Variants in IL1RAPL2 observed in about 807,000 individuals in gnomAD.
IL1RAPL2 encodes the protein X-linked interleukin-1 receptor accessory protein-like 2.
In IL1RAPL2, 3 loss-of-function variants were observed where a neutral mutation model predicts 44.1. The observed-to-expected ratio is 0.07, with a 90% CI of 0.03 to 0.18. IL1RAPL2 has a LOEUF of 0.18. Among genes scored for constraint, IL1RAPL2 ranks in the 10% least tolerant of loss-of-function variants. The probability of loss-of-function intolerance (pLI) is 1.00; values close to 1 mark genes in which losing one functional copy is unlikely to be tolerated. For missense variants in IL1RAPL2, 391 were observed against 496.4 expected (o/e 0.79, Z 2.02); for synonymous variants, 181 against 178.8 (o/e 1.01, Z -0.10).
chrX:105,430,368 A>C (rs1380003334), intron 5 of IL1RAPL2, among the ~76,000 whole-genome samples: 1 of 111,480 alleles, frequency 9.0e-6, no homozygotes, highest in Non-Finnish European at 1.9e-5. Context: ...TTACCATCAG[A>C]CTAGAGTTGT....
chrX:105,552,329 G>T (rs1388786830), intron 6 of IL1RAPL2, among the ~76,000 whole-genome samples: 1 of 111,708 alleles, frequency 9.0e-6, no homozygotes, highest in South Asian at 3.7e-4. Flanking sequence ...ATGTTAAGTC[G>T]TATTCTTAAA....
At chrX:105,001,796 A>G (rs1166258962) in intron 2 of IL1RAPL2, among the ~76,000 whole-genome samples, 3 of 111,325 alleles carry the variant, frequency 2.7e-5, no homozygotes, top group Admixed American at 9.6e-5. Context: ...TACACCAAGC[A>G]ATGTGACAAG....
intron 5 of IL1RAPL2, among the ~76,000 whole-genome samples, chrX:105,453,160 A>G (rs1417006565): frequency 8.9e-6 from 1 of 111,904 alleles, no homozygotes; most frequent in African/African-American, 3.3e-5. Flanking sequence ...CACTCCCCGT[A>G]TCTATTTTTG....
chrX:105,392,710 A>G (rs2035535359), intron 5 of IL1RAPL2, among the ~76,000 whole-genome samples: 1 of 111,808 alleles, frequency 8.9e-6, no homozygotes, highest in Non-Finnish European at 1.9e-5. Flanking sequence ...AGCCATGGCA[A>G]TGTGCAATAT....
chrX:105,595,557 G>A lies in IL1RAPL2; in HGVS notation c.772+111170G>A, dbSNP rs189930048. On this transcript the variant is annotated intron_variant, in intron 6 of 10. Coordinates refer to ENST00000372582, the MANE Select transcript of IL1RAPL2 (RefSeq NM_017416.2). Reference sequence around the variant, plus strand: ...AAAATATTTTATTGAGGATTTTTACGTCTATTTTCATCGGAGGTATTGGCC... The same window carrying A: ...AAAATATTTTATTGAGGATTTTTACATCTATTTTCATCGGAGGTATTGGCC... 3.1e-3 allele frequency among the ~76,000 whole-genome samples: 348 copies of A among 111,115 alleles called. 3 individuals carry two copies. The highest frequency in any genetic ancestry group is 5.3e-3 in the African/African-American group (162 of 30,527).
At chrX:104,680,984 G>C (rs1488553880) in intron 2 of IL1RAPL2, among the ~76,000 whole-genome samples, 1 of 111,983 alleles carries the variant, frequency 8.9e-6, no homozygotes, top group African/African-American at 3.2e-5. Context: ...TTAACACTGG[G>C]ACAGTTCTTA....
intron 2 of IL1RAPL2, among the ~76,000 whole-genome samples, chrX:105,174,844 C>T (rs984097742): frequency 9.0e-6 from 1 of 111,531 alleles, no homozygotes; most frequent in African/African-American, 3.3e-5. Context: ...AAGTGGGGAA[C>T]TCTTCTTCTT....
chrX:105,072,202 C>T (rs927616874), intron 2 of IL1RAPL2, among the ~76,000 whole-genome samples: 3 of 111,542 alleles, frequency 2.7e-5, no homozygotes, highest in African/African-American at 9.8e-5. Context: ...CTCTTTTCGC[C>T]TGCTGCCATG....
intron 1 of IL1RAPL2, among the ~76,000 whole-genome samples, chrX:104,604,935 C>A (rs1210999408): frequency 9.0e-6 from 1 of 111,190 alleles, no homozygotes; most frequent in East Asian, 2.8e-4. Context: ...CAAGGATATA[C>A]AGGACTTGAA....
At chrX:105,422,936 A>G (rs1018082562) in intron 5 of IL1RAPL2, among the ~76,000 whole-genome samples, 1 of 111,196 alleles carries the variant, frequency 9.0e-6, no homozygotes, top group African/African-American at 3.3e-5. Flanking sequence ...CAAGACAACA[A>G]TTGTCTGCAG....
At chrX:105,161,296 A>G (rs1428218880) in intron 2 of IL1RAPL2, among the ~76,000 whole-genome samples, 2 of 110,018 alleles carry the variant, frequency 1.8e-5, no homozygotes, top group African/African-American at 6.6e-5. Flanking sequence ...TGTTTTAGAA[A>G]GTACATCAAC....
At chrX:104,620,832 C>A (rs1046862719) in intron 1 of IL1RAPL2, among the ~76,000 whole-genome samples, 33 of 104,730 alleles carry the variant, frequency 3.2e-4, no homozygotes, top group African/African-American at 1.1e-3. Flanking sequence ...TTGAAACCAG[C>A]TGATTGTCAA....
chrX:105,012,596 C>G (rs2031069704), intron 2 of IL1RAPL2, among the ~76,000 whole-genome samples: 1 of 55,749 alleles, frequency 1.8e-5, no homozygotes, highest in Non-Finnish European at 3.5e-5. Flanking sequence ...CTAACTTTCT[C>G]TTTCTCTCTC....
At chrX:105,673,071 TA>T (rs1348236445) in intron 6 of IL1RAPL2, among the ~76,000 whole-genome samples, 4 of 111,235 alleles carry the variant, frequency 3.6e-5, no homozygotes, top group African/African-American at 6.5e-5. Context: ...ATGTTTGCTT[TA>T]CACATAATAT....
chrX:105,413,557 T>C (rs1199448744), intron 5 of IL1RAPL2, among the ~76,000 whole-genome samples: 1 of 112,119 alleles, frequency 8.9e-6, no homozygotes, highest in East Asian at 2.8e-4. Context: ...GATTTTTTCC[T>C]AGAGTCTCCA....
At chrX:105,053,069 T>C (rs2031948788) in intron 2 of IL1RAPL2, among the ~76,000 whole-genome samples, 1 of 110,925 alleles carries the variant, frequency 9.0e-6, no homozygotes, top group African/African-American at 3.3e-5. Flanking sequence ...TTGGTCTTGC[T>C]GGGAGCTGCA....
At chrX:104,771,877 G>A (rs893776648) in intron 2 of IL1RAPL2, among the ~76,000 whole-genome samples, 6 of 111,574 alleles carry the variant, frequency 5.4e-5, no homozygotes, top group Non-Finnish European at 1.1e-4. Flanking sequence ...ACTTTTGAGT[G>A]CACAAACCTC....
chrX:104,879,986 G>C (rs1346002649), intron 2 of IL1RAPL2, among the ~76,000 whole-genome samples: 1 of 111,290 alleles, frequency 9.0e-6, no homozygotes, highest in Non-Finnish European at 1.9e-5. Flanking sequence ...GTGAAAAGTG[G>C]GGGAGTGTGT....
intron 3 of IL1RAPL2, among the ~76,000 whole-genome samples, chrX:105,211,241 C>T (rs1303329724): frequency 1.8e-5 from 2 of 111,562 alleles, no homozygotes; most frequent in African/African-American, 6.5e-5. Context: ...GCTGACTCAC[C>T]TCCTTGGCAG....
Sources: gnomAD v4.1 joint callset for allele counts (sites outside exome capture counted in the v4.1 genomes callset) on GRCh38, gnomAD v4.1.1 for gene constraint, MANE v1.5 for transcripts, NCBI Gene and HGNC (gene_info 2026-07-23, HGNC 2026-07-21) for gene names.